The following RABGAP1L variants were observed in gnomAD, a reference collection of about 807,000 sequenced individuals.
The protein encoded by RABGAP1L is RAB GTPase activating protein 1 like.
RABGAP1L carries 63 observed loss-of-function variants against 137.7 expected under a neutral mutation model. That is an observed-to-expected ratio of 0.46 (90% confidence interval 0.37 to 0.56). The LOEUF (loss-of-function observed/expected upper bound fraction) is 0.56, where lower values mean the gene tolerates loss of function less well. Among genes scored for constraint, RABGAP1L ranks in the 20% least tolerant of loss-of-function variants. The pLI, the probability that RABGAP1L is intolerant of heterozygous loss-of-function variation, is 0.00. For synonymous variants in RABGAP1L, 431 were observed against 433.7 expected, an observed-to-expected ratio of 0.99 and a Z score of 0.08; for missense variants, 1,095 against 1,244.0, an observed-to-expected ratio of 0.88 and a Z score of 1.80.
In RABGAP1L at chr1:174,828,325, A is replaced by G. The variant is rs1691792336; in HGVS notation, c.2340+16365A>G. On this transcript the variant is annotated intron_variant, in intron 19 of 25. Transcript: ENST00000681986. Reference sequence around the variant, plus strand: ...ATTTGAGTTGTCTGTCTGGAAAACTAACCTCAGTTTATCACTCCTCAGAGG... The same window carrying G: ...ATTTGAGTTGTCTGTCTGGAAAACTGACCTCAGTTTATCACTCCTCAGAGG... Among the ~76,000 whole-genome samples the G allele has an allele frequency of 1.4e-5, 2 of 148,052 alleles. 1 individual carries two copies. Among genetic ancestry groups the G allele is most frequent in the South Asian group, 4.5e-4 (2 of 4,480 alleles).
At chr1:174,579,346 G>T (rs1221320378) in intron 13 of RABGAP1L, among the ~76,000 whole-genome samples, 2 of 152,102 alleles carry the variant, frequency 1.3e-5, no homozygotes, top group African/African-American at 4.8e-5. Flanking sequence ...ACATTGAATG[G>T]CAAAGGGGAG....
At position 174,993,905 on chromosome 1, in the gene RABGAP1L, G is replaced by T. The variant is rs1489045300; in HGVS notation, c.*3904G>T. 1 of 152,110 alleles carries T rather than the reference G, an allele frequency of 6.6e-6. No homozygotes were observed. Among genetic ancestry groups the T allele is most frequent in the African/African-American group, 2.4e-5 (1 of 41,400 alleles). The allele number at this position is 152,110 out of a possible 1,614,324, so 9.4% of individuals were successfully genotyped here. On this transcript the variant is annotated 3_prime_UTR_variant, in exon 26 of 26. Coordinates refer to ENST00000681986, the MANE Select transcript of RABGAP1L (RefSeq NM_001366446.1). ...TGTTGTATGATTTGAACACTATTAG[G>T]TTTGTATGTGTGTTTAATTGGAAGA...
intron 13 of RABGAP1L, among the ~76,000 whole-genome samples, chr1:174,576,623 C>T (rs1015333951): frequency 6.6e-6 from 1 of 152,096 alleles, no homozygotes; most frequent in Non-Finnish European, 1.5e-5. Context: ...GGGGGTCTCC[C>T]TACATATATT....
chr1:174,343,034 T>C (rs1682117159), intron 11 of RABGAP1L, among the ~76,000 whole-genome samples: 1 of 151,434 alleles, frequency 6.6e-6, no homozygotes. Flanking sequence ...CCACTGCACC[T>C]AGCCAGAAAT....
At chr1:174,565,136 G>A (rs1667484976) in intron 13 of RABGAP1L, among the ~76,000 whole-genome samples, 1 of 152,140 alleles carries the variant, frequency 6.6e-6, no homozygotes, top group African/African-American at 2.4e-5. Flanking sequence ...TGGAAGAAGG[G>A]ATTATTAGAT....
intron 13 of RABGAP1L, among the ~76,000 whole-genome samples, chr1:174,431,840 G>T (rs1022161327): frequency 8.5e-5 from 13 of 152,070 alleles, no homozygotes; most frequent in African/African-American, 2.9e-4. Flanking sequence ...CAGAATTCTT[G>T]GTTTAAGAAG....
chr1:174,854,084 C>G (rs1011821412), intron 19 of RABGAP1L, among the ~76,000 whole-genome samples: 4 of 152,076 alleles, frequency 2.6e-5, no homozygotes, highest in Non-Finnish European at 5.9e-5. Flanking sequence ...TGCAGGCTGC[C>G]CATAGTACAT....
intron 19 of RABGAP1L, among the ~76,000 whole-genome samples, chr1:174,926,720 T>C (rs535069909): frequency 6.6e-6 from 1 of 152,270 alleles, no homozygotes; most frequent in Non-Finnish European, 1.5e-5. Context: ...TTGCCTTTTC[T>C]AATTTTTAAC....
chr1:174,610,853 C>T (rs1407771586), intron 13 of RABGAP1L, among the ~76,000 whole-genome samples: 1 of 152,136 alleles, frequency 6.6e-6, no homozygotes, highest in Non-Finnish European at 1.5e-5. Flanking sequence ...TAAATGTCTT[C>T]TTTTGAGAAG....
chr1:174,932,767 T>C (rs1260348825), intron 19 of RABGAP1L, among the ~76,000 whole-genome samples: 2 of 152,212 alleles, frequency 1.3e-5, no homozygotes, highest in East Asian at 3.8e-4. Flanking sequence ...TTATTTATTT[T>C]AATGCTGAAA....
At chr1:174,438,744 G>GTATATATATATATATATGTATA (rs1553302952) in intron 13 of RABGAP1L, among the ~76,000 whole-genome samples, 2 of 95,456 alleles carry the variant, frequency 2.1e-5, no homozygotes, top group Admixed American at 1.1e-4. Flanking sequence ...GTGTGTGTGT[G>GTATATATATATATATATGTATA]TATATATATA....
chr1:174,898,378 G>A (rs762250515), intron 19 of RABGAP1L, among the ~76,000 whole-genome samples: 2 of 152,052 alleles, frequency 1.3e-5, no homozygotes, highest in African/African-American at 4.8e-5. Context: ...AATGCATGGC[G>A]TTTGTGCTTT....
chr1:174,691,334 T>G (rs1678864991), intron 15 of RABGAP1L, among the ~76,000 whole-genome samples: 1 of 152,220 alleles, frequency 6.6e-6, no homozygotes, highest in South Asian at 2.1e-4. Context: ...AGGTGCATCT[T>G]AAAGACTTGA....
At chr1:174,720,167 A>T (rs1291102394) in intron 17 of RABGAP1L, among the ~76,000 whole-genome samples, 1 of 152,190 alleles carries the variant, frequency 6.6e-6, no homozygotes, top group African/African-American at 2.4e-5. Context: ...TTCAACAAGG[A>T]TGCCAAGACA....
chr1:174,702,335 GT>G lies in RABGAP1L; in HGVS notation c.2169+84del. 2.3e-6 allele frequency: 3 copies of G among 1,294,122 alleles called. No homozygotes were observed. The East Asian group carries it at 7.9e-5, about 34-fold the overall frequency. The allele number at this position is 1,294,122 out of a possible 1,614,324, so 80.2% of individuals were successfully genotyped here. A position where few individuals can be genotyped will look rare whatever the true frequency, so the allele number is the denominator to read the frequency against. On this transcript the variant is annotated intron_variant, in intron 17 of 25. Coordinates refer to ENST00000681986, the MANE Select transcript of RABGAP1L (RefSeq NM_001366446.1). Reference sequence around the variant, plus strand: ...AAATGGTTACAGTTTTCTTCCTTTTGTTTTTGCCTGTGACATTAAGCCATAA... The same window carrying G: ...AAATGGTTACAGTTTTCTTCCTTTTGTTTTGCCTGTGACATTAAGCCATAA...
At chr1:174,479,944 A>G (rs1418523661) in intron 13 of RABGAP1L, among the ~76,000 whole-genome samples, 1 of 152,180 alleles carries the variant, frequency 6.6e-6, no homozygotes, top group Non-Finnish European at 1.5e-5. Flanking sequence ...TGTATTTACT[A>G]ACTGTCACAA....
intron 13 of RABGAP1L, among the ~76,000 whole-genome samples, chr1:174,502,292 A>C (rs900834871): frequency 6.6e-6 from 1 of 151,658 alleles, no homozygotes; most frequent in South Asian, 2.1e-4. Context: ...CTCTGGAGAA[A>C]CTGACTATTC....
At chr1:174,850,107 TC>T (rs1648011819) in intron 19 of RABGAP1L, 1 of 501,646 alleles carries the variant, frequency 2.0e-6, no homozygotes, top group Middle Eastern at 4.8e-4. Flanking sequence ...CTTGTTGATT[TC>T]CCATTCCTCT....
chr1:174,930,948 TTA>T (rs10533350), intron 19 of RABGAP1L, among the ~76,000 whole-genome samples: 55,670 of 151,892 alleles, frequency 0.37, 13,319 homozygotes, highest in African/African-American at 0.69. Context: ...GTAAAGGAAC[TTA>T]TACCATGTTC....
Sources: allele counts gnomAD v4.1 joint callset (sites outside exome capture counted in the v4.1 genomes callset), GRCh38; gene constraint gnomAD v4.1.1; transcripts MANE v1.5; gene names NCBI Gene and HGNC (gene_info 2026-07-23, HGNC 2026-07-21).